CTBP1: variants seen among roughly 807,000 people sequenced by gnomAD.
The protein encoded by CTBP1 is C-terminal-binding protein 1.
Under a neutral mutation model 42.1 loss-of-function variants are expected in CTBP1, and 11 were observed. The observed-to-expected ratio is 0.26, with a 90% confidence interval of 0.16 to 0.43. CTBP1 has a LOEUF of 0.43. CTBP1 is among the 20% of genes least tolerant of loss of function. The probability of loss-of-function intolerance (pLI) is 1.00; values close to 1 mark genes in which losing one functional copy is unlikely to be tolerated. For synonymous variants in CTBP1, 324 were observed against 277.1 expected, an observed-to-expected ratio of 1.17 and a Z score of -1.68; for missense variants, 399 against 624.3, an observed-to-expected ratio of 0.64 and a Z score of 3.85.
rs772323252 is a variant in CTBP1, at chr4:1,216,098, G to A, written c.622C>T (p.Arg208Cys). 14 of 1,611,290 alleles carry A rather than the reference G, an allele frequency of 8.7e-6. No individual in the cohort carries two copies. Among genetic ancestry groups the A allele is most frequent in the Admixed American group, 3.3e-5 (2 of 59,996 alleles). Reference protein sequence around the residue: ...DGVERALGLQRVSTLQDLLFH... With the variant: ...DGVERALGLQCVSTLQDLLFH... ...AGCAGGTCCTGCAGGGTGCTGACAC[G>A]CTGCAGCCCCAGCGCCCGCTCCACG... Residue 208 changes from arginine (R) to cysteine (C), a missense_variant, in exon 6 of 10, where the codon CGT becomes TGT. Arg to Cys is a radical substitution (Grantham distance 180). Around this residue, in one of 4 missense-constraint regions of CTBP1, gnomAD observed 309 missense variants for 497.5 expected, o/e 0.62. Transcript: ENST00000382952.
chr4:1,243,274 G>A, intron 1 of CTBP1: 3 of 985,410 alleles, frequency 3.0e-6, no homozygotes, highest in Non-Finnish European at 3.6e-6. Context: ...AGAAGCAGAT[G>A]TGTGAAGGCC....
chr4:1,233,887 A>G lies in CTBP1; in HGVS notation c.162+4296T>C, dbSNP rs1028056966. ...CAAAGCAGGTGTTCAGTTTCCTCCCACGCCAAAGCCTGGAGACAGGGAGCC... is the reference window on the plus strand; with the variant it reads ...CAAAGCAGGTGTTCAGTTTCCTCCCGCGCCAAAGCCTGGAGACAGGGAGCC... On this transcript the variant is annotated intron_variant, in intron 3 of 9. Coordinates refer to ENST00000382952, the MANE Select transcript of CTBP1 (RefSeq NM_001012614.2). The surrounding 1 kb of genome is among the most constrained non-coding windows in gnomAD (Gnocchi z 4.6). Among the ~76,000 whole-genome samples, 3 of 152,050 alleles carry G rather than the reference A, an allele frequency of 2.0e-5. No homozygotes were observed. Among genetic ancestry groups the G allele is most frequent in the Admixed American group, 2.0e-4 (3 of 15,276 alleles).
rs1347863453 is a variant in CTBP1 at position 1,248,997 on chromosome 4, G to C, written c.-270C>G. The C allele has an allele frequency of 5.3e-6, 5 of 952,298 alleles. No homozygotes were observed. The highest frequency in any genetic ancestry group is 6.2e-6 in the Non-Finnish European group (5 of 803,156). 59.0% of individuals were successfully genotyped at this position (952,298 alleles called of 1,614,324 possible). ...CCGCGGGCCCCGACCACTCCGGCGC[G>C]CTGCGCCGCCGCGAGCCCGGCGCGT... On this transcript the variant is annotated 5_prime_UTR_variant, in exon 1 of 10. Coordinates refer to ENST00000382952, the MANE Select transcript of CTBP1 (RefSeq NM_001012614.2).
chr4:1,214,491 A>C lies in CTBP1; in HGVS notation c.730-18T>G, dbSNP rs1728889983. 1.3e-6 allele frequency: 2 copies of C among 1,558,470 alleles called. No individual in the cohort carries two copies. The highest frequency in any genetic ancestry group is 1.4e-5 in the African/African-American group (1 of 71,080). On this transcript the variant is annotated intron_variant, in intron 6 of 9. Coordinates refer to ENST00000382952, the MANE Select transcript of CTBP1 (RefSeq NM_001012614.2). ...TGTCTCATCTAGAAGACATAAGGAC[A>C]GGCCAGGCCCAGTCAGGGATCCGCA...
At chr4:1,244,579 C>T in intron 1 of CTBP1, 1 of 985,148 alleles carries the variant, frequency 1.0e-6, no homozygotes, top group African/African-American at 1.7e-5. Flanking sequence ...GTCCCAAAAG[C>T]TCCTCCTCAC....
chr4:1,225,111 T>C (rs1007516506), intron 5 of CTBP1, among the ~76,000 whole-genome samples: 1 of 151,850 alleles, frequency 6.6e-6, no homozygotes, highest in Non-Finnish European at 1.5e-5. Flanking sequence ...CTGTGTGTGC[T>C]GTGGCATCCG....
chr4:1,239,813 C>T (rs556689752), intron 2 of CTBP1, among the ~76,000 whole-genome samples: 1 of 152,356 alleles, frequency 6.6e-6, no homozygotes, highest in African/African-American at 2.4e-5. Context: ...GAAACCAGAT[C>T]CCAAACGTGA....
Position 1,235,644 on chromosome 4 carries a change from G to C in CTBP1, c.162+2539C>G, listed in dbSNP as rs1048546066. On this transcript the variant is annotated intron_variant, in intron 3 of 9. Coordinates refer to ENST00000382952, the MANE Select transcript of CTBP1 (RefSeq NM_001012614.2). The surrounding 1 kb of genome is among the most constrained non-coding windows in gnomAD (Gnocchi z 4.2). ...TTCCAGAGTCATCAGCTCTTCGTCG[G>C]TGTCTGGCCCAGCCTCCTGGGGGCT... 2.0e-5 allele frequency: 3 copies of C among 152,210 alleles called. No individual in the cohort carries two copies. Among genetic ancestry groups the C allele is most frequent in the Non-Finnish European group, 4.4e-5 (3 of 68,056 alleles). 9.4% of individuals were successfully genotyped at this position (152,210 alleles called of 1,614,324 possible). A position where few individuals can be genotyped will look rare whatever the true frequency, so the allele number is the denominator to read the frequency against.
At chr4:1,218,666 C>T (rs1265922) in intron 5 of CTBP1, 35,735 of 151,968 alleles carry the variant, frequency 0.24, 5,288 homozygotes, top group Middle Eastern at 0.35. Context: ...AAAATCGGCC[C>T]GAGGGTGAGA....
At chr4:1,230,761 T>C (rs1210481534) in intron 3 of CTBP1, among the ~76,000 whole-genome samples, 1 of 152,236 alleles carries the variant, frequency 6.6e-6, no homozygotes, top group African/African-American at 2.4e-5. Flanking sequence ...CACGTGAATA[T>C]GACGAATATT....
chr4:1,240,101 C>T (rs919000794), intron 2 of CTBP1, among the ~76,000 whole-genome samples: 39 of 152,242 alleles, frequency 2.6e-4, no homozygotes, highest in Non-Finnish European at 4.4e-4. Context: ...CACTGCAGAC[C>T]GCTCGGCTGC....
chr4:1,240,766 C>A (rs114156275), intron 2 of CTBP1, among the ~76,000 whole-genome samples: 1 of 152,154 alleles, frequency 6.6e-6, no homozygotes, highest in Non-Finnish European at 1.5e-5. Flanking sequence ...CCCTGACCAC[C>A]GTGCCAGGGT....
chr4:1,230,253 G>A (rs1434819451), intron 3 of CTBP1, among the ~76,000 whole-genome samples: 1 of 152,236 alleles, frequency 6.6e-6, no homozygotes, highest in African/African-American at 2.4e-5. Flanking sequence ...GGCAGGCAGA[G>A]GCCAGCAGTG....
chr4:1,224,066 G>A (rs1052648384), intron 5 of CTBP1, among the ~76,000 whole-genome samples: 1 of 151,962 alleles, frequency 6.6e-6, no homozygotes, highest in African/African-American at 2.4e-5. Context: ...CCCGAACCCC[G>A]GCCCCAGCAG....
chr4:1,243,420 C>A, intron 1 of CTBP1: 1 of 985,410 alleles, frequency 1.0e-6, no homozygotes, highest in Non-Finnish European at 1.2e-6. Context: ...CCCCATGCCA[C>A]AGGGACTTCC....
At chr4:1,240,647 G>A (rs2108793483) in intron 2 of CTBP1, among the ~76,000 whole-genome samples, 1 of 152,082 alleles carries the variant, frequency 6.6e-6, no homozygotes, top group South Asian at 2.1e-4. Context: ...CTGGGTGAGT[G>A]GGAACCGGGT....
chr4:1,223,379 C>A, intron 5 of CTBP1: 1 of 452,414 alleles, frequency 2.2e-6, no homozygotes. Flanking sequence ...AAGAGACAGG[C>A]ACGTGTTCCA....
chr4:1,225,596 C>G, intron 4 of CTBP1, 30 bp from the exon 5 acceptor site: 6 of 1,527,144 alleles, frequency 3.9e-6, no homozygotes, highest in Non-Finnish European at 5.3e-6. Flanking sequence ...GCGGTCACCC[C>G]CGGGCCGGGC....
rs758690207 is a variant in CTBP1, at chr4:1,212,336, G to A, written c.1194C>T (p.His398=). The change falls in exon 10 of 10, where the codon CAC becomes CAT. Residue 398 remains histidine, a synonymous_variant. Coordinates refer to ENST00000382952, the MANE Select transcript of CTBP1 (RefSeq NM_001012614.2). ...GCGGGTGGGCCACAGGGGGCAGGCC[G>A]TGGGACAGGGACATGGCGCTGGGGA... is the stretch of plus-strand genomic sequence containing the variant. ...GIVPSAMSLS[H]GLPPVAHPPH... The A allele has an allele frequency of 3.8e-5, 58 of 1,519,644 alleles. No homozygotes were observed. The highest frequency in any genetic ancestry group is 1.9e-4 in the Middle Eastern group (1 of 5,394). The allele number at this position is 1,519,644 out of a possible 1,614,324, so 94.1% of individuals were successfully genotyped here.
Sources: allele counts gnomAD v4.1 joint callset (sites outside exome capture counted in the v4.1 genomes callset), GRCh38; gene constraint gnomAD v4.1.1; regional missense constraint gnomAD v4.1.1; non-coding constraint Gnocchi (gnomAD v3.1); transcripts MANE v1.5; gene names NCBI Gene and HGNC (gene_info 2026-07-23, HGNC 2026-07-21).